PGBD5: variants seen among roughly 807,000 people sequenced by gnomAD.
PGBD5 encodes the protein piggyBac transposable element-derived protein 5.
PGBD5 carries 14 observed loss-of-function variants against 47.9 expected under a neutral mutation model. The observed-to-expected ratio is 0.29, with a 90% CI of 0.19 to 0.46. PGBD5 has a LOEUF of 0.46. Ranked by LOEUF, PGBD5 falls within the 20% of genes least tolerant of loss-of-function variation. The pLI, the probability that PGBD5 is intolerant of heterozygous loss-of-function variation, is 1.00. For missense variants in PGBD5, 635 were observed against 716.0 expected (o/e 0.89, Z 1.29); for synonymous variants, 316 against 306.3 (o/e 1.03, Z -0.33).
At chr1:230,396,095 CCT>C (rs1491157566) in intron 1 of PGBD5, among the ~76,000 whole-genome samples, 1 of 149,126 alleles carries the variant, frequency 6.7e-6, no homozygotes, top group African/African-American at 2.5e-5. Context: ...TCTTTCTGCT[CCT>C]CCTACTGCTC....
chr1:230,324,156 G>T (rs1245366092), intron 6 of PGBD5, among the ~76,000 whole-genome samples: 1 of 152,168 alleles, frequency 6.6e-6, no homozygotes, highest in Non-Finnish European at 1.5e-5. Flanking sequence ...GGCCTTCTTG[G>T]GAGCACTAGC....
chr1:230,387,592 C>T (rs1009545513), intron 1 of PGBD5, among the ~76,000 whole-genome samples: 2 of 152,190 alleles, frequency 1.3e-5, no homozygotes, highest in Non-Finnish European at 2.9e-5. Context: ...TTGGCAGGTA[C>T]CTGGCTGGGC....
At chr1:230,405,401 G>C (rs1007179246) in intron 1 of PGBD5, among the ~76,000 whole-genome samples, 5 of 151,782 alleles carry the variant, frequency 3.3e-5, no homozygotes, top group Admixed American at 6.6e-5. Context: ...TCCACTAAAC[G>C]AACAGTAAAT....
chr1:230,384,930 G>T (rs1656598244), intron 1 of PGBD5, among the ~76,000 whole-genome samples: 1 of 152,144 alleles, frequency 6.6e-6, no homozygotes, highest in South Asian at 2.1e-4. Flanking sequence ...CTTTTTCCTG[G>T]AGCTGTAGCA....
intron 1 of PGBD5, among the ~76,000 whole-genome samples, chr1:230,404,884 C>CAAG (rs1657262382): frequency 7.3e-6 from 1 of 136,224 alleles, no homozygotes; most frequent in Admixed American, 8.3e-5. Flanking sequence ...AAGATTGTGC[C>CAAG]ATTGCACTCT....
At chr1:230,398,444 C>G (rs11122503) in intron 1 of PGBD5, among the ~76,000 whole-genome samples, 20,531 of 152,150 alleles carry the variant, frequency 0.13, 1,724 homozygotes, top group African/African-American at 0.21. Flanking sequence ...TAGGGCCCAC[C>G]CATATGATTT....
chr1:230,391,870 C>G (rs1325304155), intron 1 of PGBD5, among the ~76,000 whole-genome samples: 1 of 152,218 alleles, frequency 6.6e-6, no homozygotes, highest in Non-Finnish European at 1.5e-5. Flanking sequence ...TGCTGCATTT[C>G]TTTCTTCCAT....
At chr1:230,388,275 C>A (rs1020919877) in intron 1 of PGBD5, among the ~76,000 whole-genome samples, 4 of 152,180 alleles carry the variant, frequency 2.6e-5, no homozygotes, top group African/African-American at 4.8e-5. Flanking sequence ...TCCCACAAGG[C>A]TGAGAGCAGG....
At chr1:230,375,130 G>A (rs1033722077) in intron 1 of PGBD5, among the ~76,000 whole-genome samples, 9 of 152,314 alleles carry the variant, frequency 5.9e-5, no homozygotes, top group Admixed American at 4.6e-4. Flanking sequence ...CCACACTTGC[G>A]GAGATTGAAA....
intron 1 of PGBD5, among the ~76,000 whole-genome samples, chr1:230,364,059 T>C (rs139969623): frequency 1.3e-5 from 2 of 152,356 alleles, no homozygotes; most frequent in African/African-American, 2.4e-5. Flanking sequence ...GTCTCAACTG[T>C]AGAATTCAGT....
chr1:230,419,396 G>A (rs932069206), intron 1 of PGBD5, among the ~76,000 whole-genome samples: 1 of 121,880 alleles, frequency 8.2e-6, no homozygotes, highest in Non-Finnish European at 1.7e-5. Context: ...AATAGATACT[G>A]GGGACTCCTA....
In PGBD5 at chr1:230,362,430, G is replaced by C. The variant is rs114745902; in HGVS notation, c.332-5109C>G. 9.5e-4 allele frequency: 1,235 copies of C among 1,303,158 alleles called. 10 individuals carry two copies. The African/African-American group carries it at 0.018, about 19-fold the overall frequency. 80.7% of individuals were successfully genotyped at this position (1,303,158 alleles called of 1,614,324 possible). On this transcript the variant is annotated intron_variant, in intron 1 of 6. Transcript: ENST00000391860. ...GCCGGGGAAGCCTGTGTCAGACCTG[G>C]ACCGTGGCAAGCTCTTTCCCGCCTC...
rs779350107 is a variant in PGBD5, at chr1:230,337,180, C to T, written c.1003G>A (p.Gly335Ser). The T allele has an allele frequency of 5.6e-6, 9 of 1,614,236 alleles. No homozygotes were observed. Among genetic ancestry groups the T allele is most frequent in the Non-Finnish European group, 7.6e-6 (9 of 1,180,046 alleles). ...CCCGTGAAAATGATGTAGTTCTTGC[C>T]TGCCGCGTTCCGGCACAGGCTCCTG... is the stretch of plus-strand genomic sequence containing the variant. ...VARSLCRNAA[G>S]KNYIIFTGPS... The change falls in exon 4 of 7, where the codon GGC (glycine) becomes AGC (serine). Residue 335 changes from glycine to serine, a missense_variant. Gly to Ser is a moderately conservative substitution (Grantham distance 56, BLOSUM62 0). Transcript: ENST00000391860.
intron 1 of PGBD5, among the ~76,000 whole-genome samples, chr1:230,392,283 G>C (rs1331315787): frequency 2.0e-5 from 3 of 152,142 alleles, no homozygotes; most frequent in Non-Finnish European, 4.4e-5. Flanking sequence ...GGCCCTGGAG[G>C]GGCATCCCTC....
chr1:230,333,737 G>C (rs552151769), intron 4 of PGBD5, among the ~76,000 whole-genome samples: 1 of 152,366 alleles, frequency 6.6e-6, no homozygotes, highest in Admixed American at 6.5e-5. Context: ...CCATGAGTGG[G>C]TGGAGAGCTT....
At chr1:230,340,012 C>T (rs1344951745) in intron 3 of PGBD5, among the ~76,000 whole-genome samples, 1 of 152,152 alleles carries the variant, frequency 6.6e-6, no homozygotes, top group Non-Finnish European at 1.5e-5. Context: ...AAAATGATAA[C>T]TATGTGATGT....
chr1:230,386,324 A>G (rs1176657311), intron 1 of PGBD5, among the ~76,000 whole-genome samples: 2 of 152,154 alleles, frequency 1.3e-5, no homozygotes, highest in East Asian at 3.8e-4. Flanking sequence ...ATCTTAAAAA[A>G]AAAAAAAAGC....
chr1:230,327,993 G>A (rs1366852860), intron 5 of PGBD5, among the ~76,000 whole-genome samples: 1 of 152,250 alleles, frequency 6.6e-6, no homozygotes, highest in Non-Finnish European at 1.5e-5. Context: ...TTGGATGTGA[G>A]CAGGTGAGAC....
rs565479825 is a variant in PGBD5 at position 230,397,846 on chromosome 1, C to T, written c.331+27752G>A. On this transcript the variant is annotated intron_variant, in intron 1 of 6. Transcript: ENST00000391860. ...CTAAAGCTTAACCACAGGATGCTGC[C>T]GGGAAGAATCCAGCTCTATGTGAGA... 3.2e-4 allele frequency among the ~76,000 whole-genome samples: 49 copies of T among 152,280 alleles called. No individual in the cohort carries two copies. The South Asian group carries it at 9.9e-3, about 31-fold the overall frequency.
Sources: gnomAD v4.1 joint callset for allele counts (sites outside exome capture counted in the v4.1 genomes callset) on GRCh38, gnomAD v4.1.1 for gene constraint, MANE v1.5 for transcripts, NCBI Gene and HGNC (gene_info 2026-07-23, HGNC 2026-07-21) for gene names.